Variants in TTC39A observed in about 807,000 individuals in gnomAD.
TTC39A encodes the protein tetratricopeptide repeat domain 39A.
Under a neutral mutation model 82.3 loss-of-function variants are expected in TTC39A, and 46 were observed. The ratio of observed to expected loss-of-function variants is 0.56; its 90% CI spans 0.44 to 0.71. TTC39A has a LOEUF of 0.71. TTC39A is among the 30% of genes least tolerant of loss of function. The pLI is 0.00. For missense variants in TTC39A, 543 were observed against 712.9 expected, an observed-to-expected ratio of 0.76 and a Z score of 2.71; for synonymous variants, 254 against 275.2, an observed-to-expected ratio of 0.92 and a Z score of 0.76.
At chr1:51,303,013 G>A in intron 9 of TTC39A, 71 bp downstream of exon 9, 2 of 1,351,002 alleles carry the variant, frequency 1.5e-6, no homozygotes, top group Non-Finnish European at 2.1e-6. Flanking sequence ...AACAGGGTCT[G>A]TAGCCCCTCG....
Position 51,322,365 on chromosome 1 carries a change from C to G in TTC39A, c.42-540G>C, listed in dbSNP as rs1276661822. 3 of 1,210,418 alleles carry G rather than the reference C, an allele frequency of 2.5e-6. No individual in the cohort carries two copies. In the East Asian group the frequency reaches 8.8e-5, roughly 35 times the overall value. 75.0% of individuals were successfully genotyped at this position (1,210,418 alleles called of 1,614,324 possible). On this transcript the variant is annotated intron_variant, in intron 1 of 17. Coordinates refer to ENST00000680483, the MANE Select transcript of TTC39A (RefSeq NM_001297663.2). The stretch of plus-strand genomic sequence containing the variant: ...TTTCAAATTCACTTTGCCAATGGCT[C>G]CTCCAGAATACCTGAGCCCTTTCCA...
intron 2 of TTC39A, among the ~76,000 whole-genome samples, chr1:51,313,533 G>A (rs934918511): frequency 6.6e-5 from 10 of 152,112 alleles, no homozygotes; most frequent in African/African-American, 1.2e-4. Flanking sequence ...TCCATGAGAC[G>A]CCGGCTCTGC....
In TTC39A at chr1:51,287,951, C is replaced by T; in HGVS notation, c.*206G>A. 1.4e-6 allele frequency: 1 copy of T among 694,636 alleles called. No individual in the cohort carries two copies. Among genetic ancestry groups the T allele is most frequent in the East Asian group, 2.8e-5 (1 of 35,544 alleles). 43.0% of individuals were successfully genotyped at this position (694,636 alleles called of 1,614,324 possible). On this transcript the variant is annotated 3_prime_UTR_variant, in exon 18 of 18. Coordinates refer to ENST00000680483, the MANE Select transcript of TTC39A (RefSeq NM_001297663.2). ...GTGATAGGGCAGGCAGAGGGCTCCA[C>T]CTGCTCTGCCCTTGGCAAAGGCCCT...
chr1:51,309,419 G>C, intron 5 of TTC39A, 94 bp from the exon 6 acceptor site: 1 of 1,595,316 alleles, frequency 6.3e-7, no homozygotes. Context: ...CTGCCCCTCC[G>C]TGTGAGGAAC....
chr1:51,301,411 G>A (rs1472337589), intron 12 of TTC39A, 161 bp downstream of exon 12: 2 of 881,894 alleles, frequency 2.3e-6, no homozygotes, highest in Non-Finnish European at 3.3e-6. Flanking sequence ...AGTTTCTCTT[G>A]TGGTCTTTAG....
upstream of TTC39A, among the ~76,000 whole-genome samples, chr1:51,334,531 C>T (rs978929771): frequency 1.8e-4 from 27 of 151,798 alleles, no homozygotes; most frequent in African/African-American, 4.8e-4. Flanking sequence ...GCATGGGGTA[C>T]GTAGTCCCAG....
chr1:51,337,885 G>C (rs1645994079), intron 1 of TTC39A, among the ~76,000 whole-genome samples: 1 of 151,702 alleles, frequency 6.6e-6, no homozygotes, highest in South Asian at 2.1e-4. Context: ...TAGGGCTTTT[G>C]TTTGTTTTGA....
intron 1 of TTC39A, among the ~76,000 whole-genome samples, chr1:51,339,372 C>A (rs1646009115): frequency 6.6e-6 from 1 of 152,198 alleles, no homozygotes; most frequent in Non-Finnish European, 1.5e-5. Context: ...TGGTAGATTT[C>A]CGCACTGCTG....
chr1:51,311,669 T>C (rs749719418), intron 4 of TTC39A, among the ~76,000 whole-genome samples: 20 of 152,176 alleles, frequency 1.3e-4, no homozygotes, highest in Non-Finnish European at 2.6e-4. Context: ...GACAGCTGCA[T>C]GTGGTCATGG....
Position 51,301,559 on chromosome 1 carries a change from G to T in TTC39A, c.1053+13C>A. The T allele has an allele frequency of 6.3e-7, 1 of 1,590,556 alleles. No individual in the cohort carries two copies. On this transcript the variant is annotated intron_variant, in intron 12 of 17. Transcript: ENST00000680483. Reference sequence around the variant, plus strand: ...TGGTCACCCAATGCCCCTAACACGTGGCATCAGCCCACCTTGGACCAGCAG... The same window carrying T: ...TGGTCACCCAATGCCCCTAACACGTTGCATCAGCCCACCTTGGACCAGCAG...
Position 51,330,202 on chromosome 1 carries a change from G to T in TTC39A, c.41+235C>A, listed in dbSNP as rs1452343967. 4.1e-6 allele frequency: 4 copies of T among 985,428 alleles called. No individual in the cohort carries two copies. The highest frequency in any genetic ancestry group is 4.8e-6 in the Non-Finnish European group (4 of 830,080). 61.0% of individuals were successfully genotyped at this position (985,428 alleles called of 1,614,324 possible). On this transcript the variant is annotated intron_variant, in intron 1 of 17. Coordinates refer to ENST00000680483, the MANE Select transcript of TTC39A (RefSeq NM_001297663.2). The surrounding 1 kb of genome is among the most constrained non-coding windows in gnomAD (Gnocchi z 4.5). ...GTGACTACAGCTCCGTGAGAAAGTTGGGACCCAGAAGGTGAGTGACCGACC... is the reference window on the plus strand; with the variant it reads ...GTGACTACAGCTCCGTGAGAAAGTTTGGACCCAGAAGGTGAGTGACCGACC...
At chr1:51,292,695 T>C (rs1040329812) in intron 14 of TTC39A, among the ~76,000 whole-genome samples, 2 of 152,136 alleles carry the variant, frequency 1.3e-5, no homozygotes, top group African/African-American at 4.8e-5. Flanking sequence ...CCTCCCAAAG[T>C]TCTGGGATTA....
intron 1 of TTC39A, among the ~76,000 whole-genome samples, chr1:51,327,633 T>C (rs1444670448): frequency 1.3e-5 from 2 of 151,996 alleles, no homozygotes; most frequent in African/African-American, 2.4e-5. Flanking sequence ...ACTAAGACTA[T>C]GGAAAGCACA....
intron 8 of TTC39A, 33 bp from the exon 9 acceptor site, chr1:51,303,225 G>A (rs1459022193): frequency 1.3e-6 from 2 of 1,512,730 alleles, no homozygotes; most frequent in Non-Finnish European, 1.8e-6. Flanking sequence ...GAGGCTCCCA[G>A]AGAGGGCAGG....
chr1:51,327,468 G>T (rs1004899961), intron 1 of TTC39A, among the ~76,000 whole-genome samples: 2 of 152,140 alleles, frequency 1.3e-5, no homozygotes, highest in Non-Finnish European at 2.9e-5. Flanking sequence ...AGTGTGGCCT[G>T]CAAGAGTTCT....
At chr1:51,304,247 G>A (rs778550985) in intron 8 of TTC39A, among the ~76,000 whole-genome samples, 1 of 152,194 alleles carries the variant, frequency 6.6e-6, no homozygotes, top group Non-Finnish European at 1.5e-5. Flanking sequence ...TAATATGGAG[G>A]TTTGTGTAGA....
At chr1:51,344,302 A>G (rs1646071159) in intron 1 of TTC39A, among the ~76,000 whole-genome samples, 1 of 152,132 alleles carries the variant, frequency 6.6e-6, no homozygotes, top group Non-Finnish European at 1.5e-5. Flanking sequence ...TATGAAGGGA[A>G]GGGCTGAACC....
At chr1:51,295,927 C>T in intron 13 of TTC39A, 152 bp downstream of exon 13, 1 of 733,832 alleles carries the variant, frequency 1.4e-6, no homozygotes, top group Non-Finnish European at 2.3e-6. Flanking sequence ...GAGGGGAGGA[C>T]ACGCAGGGGG....
intron 1 of TTC39A, among the ~76,000 whole-genome samples, chr1:51,324,400 A>G (rs1645637231): frequency 6.6e-6 from 1 of 152,178 alleles, no homozygotes; most frequent in Admixed American, 6.5e-5. Context: ...TGAAATGTGT[A>G]AATAGCCTAA....
Sources: gnomAD v4.1 joint callset for allele counts (sites outside exome capture counted in the v4.1 genomes callset) on GRCh38, gnomAD v4.1.1 for gene constraint, Gnocchi (gnomAD v3.1) non-coding constraint, MANE v1.5 for transcripts, NCBI Gene and HGNC (gene_info 2026-07-23, HGNC 2026-07-21) for gene names.